The following PPP4R1 variants were observed in gnomAD, a reference collection of about 807,000 sequenced individuals.
The protein encoded by PPP4R1 is protein phosphatase 4 regulatory subunit 1, also known as serine/threonine-protein phosphatase 4 regulatory subunit 1.
In PPP4R1, 42 loss-of-function variants were observed where a neutral mutation model predicts 111.2. That is an observed-to-expected ratio of 0.38 (90% CI 0.29 to 0.49). PPP4R1 has a LOEUF of 0.49. PPP4R1 is among the 20% of genes least tolerant of loss of function. PPP4R1 has a pLI of 0.97. For missense variants in PPP4R1, 1,012 were observed against 1,161.6 expected, an observed-to-expected ratio of 0.87 and a Z score of 1.87; for synonymous variants, 409 against 405.5, an observed-to-expected ratio of 1.01 and a Z score of -0.10.
In PPP4R1 at chr18:9,583,168, C is replaced by T; in HGVS notation, c.867G>A (p.Arg289=). The T allele has an allele frequency of 6.2e-7, 1 of 1,612,054 alleles. No homozygotes were observed. The highest frequency in any genetic ancestry group is 8.5e-7 in the Non-Finnish European group (1 of 1,178,556). The part of the protein sequence containing the change: ...VSCATCQEIR[R]TKLSALFINL... ...TAATAAAAAGTGCTGATAATTTGGT[C>T]CGTCGGATTTCTTGACATGTTGCAC... is the stretch of plus-strand genomic sequence containing the variant. Residue 289 remains arginine (R), a synonymous_variant, in exon 9 of 20, where the codon CGG becomes CGA. Transcript: ENST00000400556.
At chr18:9,599,602 C>T (rs2067346977) in intron 2 of PPP4R1, 1 of 152,120 alleles carries the variant, frequency 6.6e-6, no homozygotes. Flanking sequence ...TACACTGCAG[C>T]TTATTCTGTC....
chr18:9,579,621 C>T (rs913633960), intron 9 of PPP4R1, among the ~76,000 whole-genome samples: 9 of 151,962 alleles, frequency 5.9e-5, no homozygotes, highest in African/African-American at 2.2e-4. Flanking sequence ...TCCACAGGTT[C>T]TGTGGATTCA....
upstream of PPP4R1, among the ~76,000 whole-genome samples, chr18:9,616,837 A>C (rs910804597): frequency 1.3e-5 from 2 of 152,184 alleles, no homozygotes; most frequent in African/African-American, 4.8e-5. Flanking sequence ...AGGGCAGCAA[A>C]GGAGGAGGAT....
At chr18:9,613,983 G>C (rs539143070) in intron 2 of PPP4R1, 3 of 279,006 alleles carry the variant, frequency 1.1e-5, no homozygotes, top group African/African-American at 6.7e-5. Context: ...GGAGAAGAGA[G>C]CGAAGGGCGG....
At position 9,557,168 on chromosome 18, in the gene PPP4R1, T is replaced by C. The variant is rs1028564139; in HGVS notation, c.2190+53A>G. 3.4e-6 allele frequency: 5 copies of C among 1,474,528 alleles called. No individual in the cohort carries two copies. The African/African-American group carries it at 5.7e-5, about 17-fold the overall frequency. 91.3% of individuals were successfully genotyped at this position (1,474,528 alleles called of 1,614,324 possible). On this transcript the variant is annotated intron_variant, in intron 15 of 19. Coordinates refer to ENST00000400556, the MANE Select transcript of PPP4R1 (RefSeq NM_001042388.3). ...TTGGTGATAGCAGAAGATAAAGATT[T>C]AGATTACGGCAGAATTTTGTTGTGT...
chr18:9,602,464 T>C (rs2067403305), intron 2 of PPP4R1, among the ~76,000 whole-genome samples: 1 of 147,346 alleles, frequency 6.8e-6, no homozygotes, highest in Admixed American at 6.8e-5. Flanking sequence ...GAGAATGGCA[T>C]GAACCCGGGA....
At position 9,588,844 on chromosome 18, in the gene PPP4R1, A is replaced by C; in HGVS notation, c.305T>G (p.Val102Gly). The C allele has an allele frequency of 6.2e-7, 1 of 1,612,540 alleles. No individual in the cohort carries two copies. Among genetic ancestry groups the C allele is most frequent in the South Asian group, 1.1e-5 (1 of 90,714 alleles). Residue 102 changes from valine (V) to glycine (G), a missense_variant, in exon 5 of 20, where the codon GTG (valine) becomes GGG (glycine). Val to Gly is a moderately radical substitution (Grantham distance 109). This residue lies in a region of PPP4R1 where 707 missense variants were observed against 742.1 expected (regional missense o/e 0.95). Transcript: ENST00000400556. ...SRLADDSEPTVRAELMEQVPH... is the reference protein window; with the variant it reads ...SRLADDSEPTGRAELMEQVPH... ...CACCTGTTCCATCAGCTCCGCTCTCACAGTTGGTTCTATTGAAATAACGGC... is the reference window on the plus strand; with the variant it reads ...CACCTGTTCCATCAGCTCCGCTCTCCCAGTTGGTTCTATTGAAATAACGGC...
upstream of PPP4R1, among the ~76,000 whole-genome samples, chr18:9,616,007 T>C (rs1303839328): frequency 6.6e-6 from 1 of 152,198 alleles, no homozygotes; most frequent in Admixed American, 6.5e-5. Context: ...ACCCCGAGTA[T>C]GTGTCTAATT....
chr18:9,571,469 T>C (rs1012366861), intron 10 of PPP4R1, among the ~76,000 whole-genome samples: 6 of 152,192 alleles, frequency 3.9e-5, no homozygotes, highest in African/African-American at 1.4e-4. Context: ...GTATTGAGGA[T>C]TCAAATGTGA....
chr18:9,583,597 C>T (rs1407493641), intron 8 of PPP4R1, among the ~76,000 whole-genome samples: 4 of 151,848 alleles, frequency 2.6e-5, no homozygotes, highest in Admixed American at 2.6e-4. Context: ...GAACTCCTGA[C>T]CTCAGGTGAT....
intron 14 of PPP4R1, 90 bp downstream of exon 14, chr18:9,559,329 A>G: frequency 7.9e-7 from 1 of 1,262,226 alleles, no homozygotes; most frequent in South Asian, 1.9e-5. Context: ...AACATGCTAG[A>G]ACATGAACAG....
intron 13 of PPP4R1, among the ~76,000 whole-genome samples, 160 bp from the exon 14 acceptor site, chr18:9,559,764 TAAGA>T (rs2066643421): frequency 6.6e-6 from 1 of 152,078 alleles, no homozygotes; most frequent in African/African-American, 2.4e-5. Flanking sequence ...ATCTAATAAC[TAAGA>T]GATACGAAAA....
At chr18:9,559,354 A>T (rs1408621373) in intron 14 of PPP4R1, 65 bp downstream of exon 14, 5 of 1,392,536 alleles carry the variant, frequency 3.6e-6, no homozygotes, top group Non-Finnish European at 4.8e-6. Context: ...TCTTTAGGTT[A>T]CAAAAAGCAA....
chr18:9,584,919 CAT>C, intron 6 of PPP4R1, 91 bp from the exon 7 acceptor site: 1 of 1,059,416 alleles, frequency 9.4e-7, no homozygotes, highest in South Asian at 1.6e-5. Flanking sequence ...TTTGAGGAAA[CAT>C]AAAATATGAT....
At chr18:9,565,131 T>C (rs1306648014) in intron 11 of PPP4R1, among the ~76,000 whole-genome samples, 1 of 152,230 alleles carries the variant, frequency 6.6e-6, no homozygotes, top group Non-Finnish European at 1.5e-5. Flanking sequence ...TTGGTAATTC[T>C]TGTACTAGTT....
intron 9 of PPP4R1, among the ~76,000 whole-genome samples, chr18:9,579,065 CACAAAA>C (rs1454352664): frequency 6.6e-6 from 1 of 152,130 alleles, no homozygotes; most frequent in Non-Finnish European, 1.5e-5. Context: ...TCCTTGATTT[CACAAAA>C]ACAGAAACTG....
At chr18:9,573,968 T>C (rs2066900278) in intron 10 of PPP4R1, among the ~76,000 whole-genome samples, 1 of 152,220 alleles carries the variant, frequency 6.6e-6, no homozygotes, top group African/African-American at 2.4e-5. Flanking sequence ...AACTACAGCA[T>C]GCATGGCTTC....
chr18:9,609,092 T>C (rs1278157795), intron 2 of PPP4R1, among the ~76,000 whole-genome samples: 1 of 152,158 alleles, frequency 6.6e-6, no homozygotes, highest in Non-Finnish European at 1.5e-5. Flanking sequence ...TGGGAAGTTG[T>C]TAGCAGAGGT....
At chr18:9,578,793 G>T (rs889756523) in intron 9 of PPP4R1, among the ~76,000 whole-genome samples, 4 of 152,060 alleles carry the variant, frequency 2.6e-5, no homozygotes, top group African/African-American at 7.2e-5. Context: ...TCTCCCCTTC[G>T]TAAGTCACTT....
Sources: allele counts gnomAD v4.1 joint callset (sites outside exome capture counted in the v4.1 genomes callset), GRCh38; gene constraint gnomAD v4.1.1; regional missense constraint gnomAD v4.1.1; transcripts MANE v1.5; gene names NCBI Gene and HGNC (gene_info 2026-07-23, HGNC 2026-07-21).